SUSD4: variants seen among roughly 807,000 people sequenced by gnomAD.
SUSD4 encodes sushi domain-containing protein 4.
A neutral mutation model predicts 50.5 loss-of-function variants in SUSD4; 41 were observed. The ratio of observed to expected loss-of-function variants is 0.81; its 90% CI spans 0.63 to 1.05. SUSD4 has a LOEUF of 1.05. SUSD4 is among the 50% of genes least tolerant of loss of function. The pLI is 0.00. For synonymous variants in SUSD4, 257 were observed against 257.3 expected (o/e 1.00, Z 0.01); for missense variants, 580 against 634.7 (o/e 0.91, Z 0.93).
At chr1:223,232,833 G>A (rs1243579899) in intron 5 of SUSD4, among the ~76,000 whole-genome samples, 1 of 152,210 alleles carries the variant, frequency 6.6e-6, no homozygotes, top group East Asian at 1.9e-4. Context: ...CAGCTTGTTT[G>A]ACTTCTCAGG....
At chr1:223,358,164 G>C (rs17163836) in intron 2 of SUSD4, among the ~76,000 whole-genome samples, 8,285 of 152,190 alleles carry the variant, frequency 0.054, 291 homozygotes, top group East Asian at 0.12. Flanking sequence ...AGACACCAAC[G>C]CTTATCTGAA....
intron 5 of SUSD4, among the ~76,000 whole-genome samples, chr1:223,244,893 G>A (rs1382567758): frequency 6.6e-6 from 1 of 152,164 alleles, no homozygotes; most frequent in African/African-American, 2.4e-5. Flanking sequence ...CCAATAGGAG[G>A]TACAGAAGAG....
intron 5 of SUSD4, among the ~76,000 whole-genome samples, chr1:223,239,451 TTC>T (rs1405634988): frequency 2.6e-5 from 4 of 152,112 alleles, no homozygotes; most frequent in East Asian, 1.9e-4. Flanking sequence ...CTTCCAGCAT[TTC>T]TTTTTGGTTT....
At chr1:223,283,561 C>T (rs1164355706) in intron 3 of SUSD4, among the ~76,000 whole-genome samples, 1 of 152,112 alleles carries the variant, frequency 6.6e-6, no homozygotes, top group African/African-American at 2.4e-5. Context: ...GAATGGTGAT[C>T]ATTAAAAAGT....
intron 2 of SUSD4, among the ~76,000 whole-genome samples, chr1:223,322,748 A>G (rs970724357): frequency 1.3e-5 from 2 of 152,202 alleles, no homozygotes; most frequent in Non-Finnish European, 2.9e-5. Context: ...TCACCAAATT[A>G]TCTTGAAATT....
chr1:223,301,000 C>A (rs1258884709), intron 2 of SUSD4, among the ~76,000 whole-genome samples: 1 of 152,190 alleles, frequency 6.6e-6, no homozygotes, highest in African/African-American at 2.4e-5. Flanking sequence ...ATCACTCTAA[C>A]AGCTAATCAC....
At chr1:223,297,902 A>T (rs1003979756) in intron 2 of SUSD4, among the ~76,000 whole-genome samples, 1 of 151,864 alleles carries the variant, frequency 6.6e-6, no homozygotes, top group Non-Finnish European at 1.5e-5. Context: ...AGATGGATGG[A>T]CAGGTGGATG....
In SUSD4 at chr1:223,332,740, CA is replaced by C. The variant is rs1461401396; in HGVS notation, c.148+30537del. ...GGCGTGTGTCACAGGGAAACGGAAC[CA>C]GGGGTAAAACTTCCTGCTGAGGCTC... On this transcript the variant is annotated intron_variant, in intron 2 of 8. Transcript: ENST00000366878. This position sits in a 1 kb window ranked among gnomAD's most constrained non-coding sequence, Gnocchi z 4.0. Among the ~76,000 whole-genome samples the C allele has an allele frequency of 5.3e-5, 8 of 152,226 alleles. No individual in the cohort carries two copies. Among genetic ancestry groups the C allele is most frequent in the South Asian group, 2.1e-4 (1 of 4,810 alleles).
At chr1:223,293,488 A>G (rs768129591) in intron 2 of SUSD4, among the ~76,000 whole-genome samples, 1 of 152,196 alleles carries the variant, frequency 6.6e-6, no homozygotes, top group Non-Finnish European at 1.5e-5. Flanking sequence ...TCAGTGCTCC[A>G]TACCAGTTTG....
chr1:223,308,646 C>T (rs1338145748), intron 2 of SUSD4, among the ~76,000 whole-genome samples: 1 of 152,196 alleles, frequency 6.6e-6, no homozygotes, highest in East Asian at 1.9e-4. Flanking sequence ...TTAGAATTTA[C>T]TGAAATAATT....
rs1055578617 is a variant in SUSD4, at chr1:223,363,211, T to A, written c.148+67A>T. On this transcript the variant is annotated intron_variant, in intron 2 of 8. Coordinates refer to ENST00000366878, the MANE Select transcript of SUSD4 (RefSeq NM_017982.4). ...ATGGGGGAGGGGTGCAGGGCTGTCC[T>A]GGCAGCTAGGCTCTTTCTCCCCTCT... 12 of 1,428,846 alleles carry A rather than the reference T, an allele frequency of 8.4e-6. 1 individual carries two copies. The South Asian group carries it at 9.6e-5, about 11-fold the overall frequency. The allele number at this position is 1,428,846 out of a possible 1,614,324, so 88.5% of individuals were successfully genotyped here.
At chr1:223,327,231 T>G (rs1666927695) in intron 2 of SUSD4, among the ~76,000 whole-genome samples, 1 of 152,130 alleles carries the variant, frequency 6.6e-6, no homozygotes, top group Admixed American at 6.6e-5. Flanking sequence ...AAGACAGCAG[T>G]GAAAGACCAA....
At chr1:223,273,856 A>G (rs61837635) in intron 3 of SUSD4, among the ~76,000 whole-genome samples, 59,384 of 152,052 alleles carry the variant, frequency 0.39, 11,795 homozygotes, top group Non-Finnish European at 0.43. Flanking sequence ...GTGACTCCTG[A>G]ACCCTGCCCT....
chr1:223,282,500 A>G (rs1772276), intron 3 of SUSD4, among the ~76,000 whole-genome samples: 118,284 of 151,964 alleles, frequency 0.78, 46,246 homozygotes, highest in African/African-American at 0.85. Context: ...TTGCTTCAAA[A>G]AGAATAAAAT....
At position 223,307,735 on chromosome 1, in the gene SUSD4, G is replaced by A. The variant is rs550987691; in HGVS notation, c.149-15084C>T. ...AGAAGACTGTGTTCTTTCACTACCC[G>A]GGTTATCCACGGTGCTGGTGACAGG... On this transcript the variant is annotated intron_variant, in intron 2 of 8. Transcript: ENST00000366878. Among the ~76,000 whole-genome samples, 14 of 152,276 alleles carry A rather than the reference G, an allele frequency of 9.2e-5. No individual in the cohort carries two copies. In the South Asian group the frequency reaches 1.5e-3, roughly 16 times the overall value.
intron 5 of SUSD4, chr1:223,234,899 G>A (rs1347850158): frequency 6.5e-6 from 10 of 1,542,860 alleles, no homozygotes; most frequent in Non-Finnish European, 8.7e-6. Flanking sequence ...ATACAGTATA[G>A]GATAAAAATG....
intron 5 of SUSD4, among the ~76,000 whole-genome samples, chr1:223,250,802 G>A (rs1376264380): frequency 1.3e-5 from 2 of 152,218 alleles, no homozygotes; most frequent in Non-Finnish European, 2.9e-5. Flanking sequence ...GCAGGGTGCG[G>A]TGTACCGGGC....
chr1:223,305,817 C>A (rs888779980), intron 2 of SUSD4, among the ~76,000 whole-genome samples: 1 of 152,164 alleles, frequency 6.6e-6, no homozygotes, highest in Admixed American at 6.5e-5. Flanking sequence ...ATGCAGAATT[C>A]ATCCATGTGG....
rs4661258 is a variant in SUSD4, at chr1:223,350,521, G to A, written c.148+12757C>T. Among the ~76,000 whole-genome samples the A allele has an allele frequency of 7.8e-3, 1,192 of 152,292 alleles. 46 individuals carry two copies. The East Asian group carries it at 0.12, about 15-fold the overall frequency. On this transcript the variant is annotated intron_variant, in intron 2 of 8. Coordinates refer to ENST00000366878, the MANE Select transcript of SUSD4 (RefSeq NM_017982.4). ...CAAGGCCAGACATCAATCCTCTCAC[G>A]GTCCTCCCTGCCCATCACTGCAGCT...
Sources: allele counts gnomAD v4.1 joint callset (sites outside exome capture counted in the v4.1 genomes callset), GRCh38; gene constraint gnomAD v4.1.1; non-coding constraint Gnocchi (gnomAD v3.1); transcripts MANE v1.5; gene names NCBI Gene and HGNC (gene_info 2026-07-23, HGNC 2026-07-21).